AGBL4: variants seen among roughly 807,000 people sequenced by gnomAD.
AGBL4 encodes the protein cytosolic carboxypeptidase 6.
AGBL4 carries 58 observed loss-of-function variants against 66.4 expected under a neutral mutation model. The ratio of observed to expected loss-of-function variants is 0.87; its 90% CI spans 0.71 to 1.09. The LOEUF is 1.09. AGBL4 is among the 50% of genes least tolerant of loss of function. The pLI is 0.00. For synonymous variants in AGBL4, 234 were observed against 222.9 expected (o/e 1.05, Z -0.44); for missense variants, 579 against 631.0 (o/e 0.92, Z 0.88).
Position 49,891,368 on chromosome 1 carries a change from C to A in AGBL4, c.35-39850G>T, listed in dbSNP as rs1018252554. On this transcript the variant is annotated intron_variant, in intron 1 of 13. Transcript: ENST00000371839. ...CTTCATCTGTATCAGTGATTCTCAACCCTGGGCAATTTTGCTGCTCAAGGG... is the reference window on the plus strand; with the variant it reads ...CTTCATCTGTATCAGTGATTCTCAAACCTGGGCAATTTTGCTGCTCAAGGG... 5.3e-4 allele frequency among the ~76,000 whole-genome samples: 81 copies of A among 152,164 alleles called. 1 individual carries two copies. Among genetic ancestry groups the A allele is most frequent in the African/African-American group, 1.9e-3 (79 of 41,426 alleles).
At chr1:49,942,761 G>T (rs1654883943) in intron 1 of AGBL4, among the ~76,000 whole-genome samples, 1 of 152,122 alleles carries the variant, frequency 6.6e-6, no homozygotes, top group African/African-American at 2.4e-5. Context: ...CTTGACCTTA[G>T]TCTGAGTAAT....
At chr1:49,380,585 C>A (rs1644580479) in intron 3 of AGBL4, among the ~76,000 whole-genome samples, 1 of 152,224 alleles carries the variant, frequency 6.6e-6, no homozygotes, top group Admixed American at 6.5e-5. Context: ...CGCTACCTGA[C>A]TTCAAACTAT....
chr1:49,765,758 T>C (rs1002485056), intron 2 of AGBL4, among the ~76,000 whole-genome samples: 8 of 151,716 alleles, frequency 5.3e-5, no homozygotes, highest in South Asian at 2.1e-4. Flanking sequence ...ATCAGAACAA[T>C]GGAAATTGAA....
At chr1:49,761,427 A>G (rs953767473) in intron 2 of AGBL4, among the ~76,000 whole-genome samples, 2 of 152,224 alleles carry the variant, frequency 1.3e-5, no homozygotes, top group African/African-American at 4.8e-5. Flanking sequence ...ACTCTGTGAA[A>G]TGAGCTCTAA....
intron 6 of AGBL4, among the ~76,000 whole-genome samples, chr1:48,797,374 C>T (rs941988277): frequency 6.6e-6 from 1 of 152,140 alleles, no homozygotes; most frequent in African/African-American, 2.4e-5. Context: ...TCACCCCCAT[C>T]CTACCCTTTC....
chr1:48,775,919 A>AG (rs138225920), intron 6 of AGBL4, among the ~76,000 whole-genome samples: 1,734 of 152,308 alleles, frequency 0.011, 35 homozygotes, highest in African/African-American at 0.04. Flanking sequence ...AGATTCAGAA[A>AG]GGGGTGTGGA....
rs139707283 is a variant in AGBL4, at chr1:49,674,571, TACACAC to T, written c.282+22736_282+22741del. Among the ~76,000 whole-genome samples, 24 of 143,792 alleles carry T rather than the reference TACACAC, an allele frequency of 1.7e-4. 1 individual carries two copies. Among genetic ancestry groups the T allele is most frequent in the African/African-American group, 5.0e-4 (20 of 39,698 alleles). 94.3% of individuals were successfully genotyped at this position (143,792 alleles called of 152,430 possible). ...TAAAAGAATATATATAAGAATAAAA[TACACAC>T]ACACACACACACACACACACACATA... On this transcript the variant is annotated intron_variant, in intron 3 of 13. Coordinates refer to ENST00000371839, the MANE Select transcript of AGBL4 (RefSeq NM_032785.4).
intron 3 of AGBL4, among the ~76,000 whole-genome samples, chr1:49,400,393 GA>G (rs1383263899): frequency 1.3e-5 from 1 of 78,510 alleles, no homozygotes; most frequent in Non-Finnish European, 2.7e-5. Context: ...TACATTTTAG[GA>G]ATTTTTTTTC....
At chr1:48,762,212 C>T (rs1040596167) in intron 6 of AGBL4, among the ~76,000 whole-genome samples, 1 of 152,116 alleles carries the variant, frequency 6.6e-6, no homozygotes, top group Non-Finnish European at 1.5e-5. Flanking sequence ...CCACTGCTTA[C>T]GTGTGCTCAC....
intron 9 of AGBL4, among the ~76,000 whole-genome samples, chr1:48,625,594 A>T (rs978943373): frequency 6.6e-6 from 1 of 152,190 alleles, no homozygotes; most frequent in Non-Finnish European, 1.5e-5. Context: ...TCTAATCCTA[A>T]CAGAAATTCC....
Position 49,735,542 on chromosome 1 carries a change from T to TA in AGBL4, c.158-38106dup, listed in dbSNP as rs200798145. The stretch of plus-strand genomic sequence containing the variant: ...AACTCTTATATCAAAAAATATAAGA[T>TA]AAAAAAATGCATGTTGTTTTAAAGC... On this transcript the variant is annotated intron_variant, in intron 2 of 13. Coordinates refer to ENST00000371839, the MANE Select transcript of AGBL4 (RefSeq NM_032785.4). Among the ~76,000 whole-genome samples the TA allele has an allele frequency of 6.3e-3, 950 of 151,966 alleles. 40 individuals carry two copies. The highest frequency in any genetic ancestry group is 0.058 in the Admixed American group (888 of 15,216).
chr1:49,258,287 C>T lies in AGBL4; in HGVS notation c.283-12423G>A, dbSNP rs544158148. ...AAGGAACGCAGTTCCTCACCAGCAA[C>T]GGAACAAAGCTGGATGGAGAATGAC... On this transcript the variant is annotated intron_variant, in intron 3 of 13. Transcript: ENST00000371839. 5.3e-5 allele frequency among the ~76,000 whole-genome samples: 8 copies of T among 152,256 alleles called. No homozygotes were observed. In the East Asian group the frequency reaches 5.8e-4, roughly 11 times the overall value.
intron 2 of AGBL4, among the ~76,000 whole-genome samples, chr1:49,767,942 A>G (rs1270988753): frequency 6.6e-6 from 1 of 151,976 alleles, no homozygotes; most frequent in African/African-American, 2.4e-5. Context: ...AAGTTCGAAA[A>G]TTGAATCAGT....
At chr1:48,861,983 T>A (rs1457869737) in intron 6 of AGBL4, among the ~76,000 whole-genome samples, 3 of 152,162 alleles carry the variant, frequency 2.0e-5, no homozygotes, top group Non-Finnish European at 4.4e-5. Context: ...AATGCAAATA[T>A]AATATTTTAC....
chr1:48,644,780 G>C (rs2148429308), intron 8 of AGBL4, among the ~76,000 whole-genome samples: 1 of 152,290 alleles, frequency 6.6e-6, no homozygotes, highest in Non-Finnish European at 1.5e-5. Context: ...CCAGGCTAAA[G>C]AGCTTTCGTT....
At chr1:49,000,425 C>T (rs912329465) in intron 5 of AGBL4, among the ~76,000 whole-genome samples, 3 of 152,158 alleles carry the variant, frequency 2.0e-5, no homozygotes, top group South Asian at 4.1e-4. Context: ...GAGGATACAA[C>T]CTTTCTTGTC....
intron 9 of AGBL4, among the ~76,000 whole-genome samples, chr1:48,628,910 G>A (rs915377957): frequency 4.9e-5 from 7 of 142,826 alleles, no homozygotes; most frequent in Non-Finnish European, 8.9e-5. Context: ...CTTCCTAACT[G>A]CCTGGAATTA....
chr1:49,828,845 C>T (rs561061937), intron 2 of AGBL4, among the ~76,000 whole-genome samples: 3 of 151,856 alleles, frequency 2.0e-5, no homozygotes, highest in African/African-American at 7.3e-5. Context: ...CCGAGGCGGG[C>T]GGATCACGAG....
chr1:48,545,426 C>T (rs1215019155), intron 11 of AGBL4, among the ~76,000 whole-genome samples: 1 of 152,034 alleles, frequency 6.6e-6, no homozygotes, highest in East Asian at 1.9e-4. Context: ...AGGACATGGG[C>T]AGGAGGAGAG....
Sources: gnomAD v4.1 joint callset for allele counts (sites outside exome capture counted in the v4.1 genomes callset) on GRCh38, gnomAD v4.1.1 for gene constraint, MANE v1.5 for transcripts, NCBI Gene and HGNC (gene_info 2026-07-23, HGNC 2026-07-21) for gene names.